The following CLDN14 variants were observed in gnomAD, a reference collection of about 807,000 sequenced individuals.
CLDN14 encodes the protein claudin 14.
In CLDN14, 2 loss-of-function variants were observed where a neutral mutation model predicts 2.1. The ratio of observed to expected loss-of-function variants is 0.96; its 90% CI spans 0.39 to 3.01. CLDN14 has a LOEUF of 3.01. Among genes scored for constraint, CLDN14 ranks in the 30% most tolerant of loss-of-function variants. The probability of loss-of-function intolerance (pLI) is 0.09; values close to 1 mark genes in which losing one functional copy is unlikely to be tolerated. For synonymous variants in CLDN14, 136 were observed against 154.4 expected, an observed-to-expected ratio of 0.88 and a Z score of 0.88; for missense variants, 298 against 328.0, an observed-to-expected ratio of 0.91 and a Z score of 0.71.
chr21:36,478,741 C>T (rs1452344985), intron 1 of CLDN14, among the ~76,000 whole-genome samples: 1 of 152,136 alleles, frequency 6.6e-6, no homozygotes, highest in Non-Finnish European at 1.5e-5. Flanking sequence ...AAGCCAGCAC[C>T]CAGTTAAAGC....
chr21:36,500,630 C>T (rs1245324870), intron 2 of CLDN14, among the ~76,000 whole-genome samples: 2 of 152,156 alleles, frequency 1.3e-5, no homozygotes, highest in Non-Finnish European at 2.9e-5. Flanking sequence ...TGAGGTTTCA[C>T]CATGCTGGTC....
chr21:36,492,152 G>GC (rs1373486090), intron 2 of CLDN14, among the ~76,000 whole-genome samples: 1,601 of 127,602 alleles, frequency 0.013, 27 homozygotes, highest in East Asian at 0.05. Flanking sequence ...AAAAATGCAA[G>GC]GGCCGGGCGC....
In CLDN14 at chr21:36,460,669, A is replaced by G. The variant is rs2086554549; in HGVS notation, c.*307T>C. ...AGGTTTATTCCTGGATCACAAACCA[A>G]CCCCACTGACCAAACTCCCAAGTCA... On this transcript the variant is annotated 3_prime_UTR_variant, in exon 2 of 2. Transcript: ENST00000399135. The surrounding 1 kb of genome is among the most constrained non-coding windows in gnomAD (Gnocchi z 4.0). The G allele has an allele frequency of 3.1e-6, 1 of 325,418 alleles. No homozygotes were observed. The highest frequency in any genetic ancestry group is 2.1e-5 in the African/African-American group (1 of 46,944). The allele number at this position is 325,418 out of a possible 1,614,324, so 20.2% of individuals were successfully genotyped here.
chr21:36,558,618 T>G (rs1811110232), intron 1 of CLDN14, among the ~76,000 whole-genome samples: 1 of 152,182 alleles, frequency 6.6e-6, no homozygotes, highest in African/African-American at 2.4e-5. Flanking sequence ...TTTTTTATTT[T>G]TTTGGTGCTA....
At chr21:36,494,182 C>A (rs2071049) in intron 2 of CLDN14, among the ~76,000 whole-genome samples, 12 of 152,124 alleles carry the variant, frequency 7.9e-5, no homozygotes, top group Admixed American at 3.9e-4. Context: ...TCTCTCCCAG[C>A]GGGGGACTGT....
chr21:36,563,279 G>A (rs190499305), intron 1 of CLDN14, among the ~76,000 whole-genome samples: 16 of 152,266 alleles, frequency 1.1e-4, no homozygotes, highest in Admixed American at 4.6e-4. Context: ...TAGCATCTCC[G>A]TGCATTATTG....
Position 36,460,914 on chromosome 21 carries a change from A to G in CLDN14, c.*62T>C. The G allele has an allele frequency of 2.5e-6, 4 of 1,576,842 alleles. No homozygotes were observed. The highest frequency in any genetic ancestry group is 3.4e-6 in the Non-Finnish European group (4 of 1,159,614). On this transcript the variant is annotated 3_prime_UTR_variant, in exon 2 of 2. Coordinates refer to ENST00000399135, the MANE Select transcript of CLDN14 (RefSeq NM_001146079.2). This position sits in a 1 kb window ranked among gnomAD's most constrained non-coding sequence, Gnocchi z 4.0. ...ACTTTGTGCTGGAACCCCTGCCTCC[A>G]TTGACAGTCCCGCCGGGGACCCAGC... is the stretch of plus-strand genomic sequence containing the variant.
rs1465374826 is a variant in CLDN14, at chr21:36,486,790, T to C, written c.-82+23573A>G. 5.1e-6 allele frequency: 4 copies of C among 778,508 alleles called. No homozygotes were observed. In the East Asian group the frequency reaches 1.0e-4, roughly 20 times the overall value. 48.2% of individuals were successfully genotyped at this position (778,508 alleles called of 1,614,324 possible). ...GGCAATGATATGCGTCTTGTGATTC[T>C]TGCCCCGTCAGCGCTTCAGAGCCAG... On this transcript the variant is annotated intron_variant, in intron 2 of 2. Coordinates refer to the CLDN14 transcript ENST00000342108.
intron 2 of CLDN14, among the ~76,000 whole-genome samples, chr21:36,503,697 G>A (rs573055664): frequency 6.6e-6 from 1 of 152,034 alleles, no homozygotes; most frequent in Non-Finnish European, 1.5e-5. Context: ...TAATACACCA[G>A]CCAAGAATGG....
At chr21:36,512,471 T>C (rs1442182543) in intron 1 of CLDN14, among the ~76,000 whole-genome samples, 2 of 152,164 alleles carry the variant, frequency 1.3e-5, no homozygotes, top group Non-Finnish European at 2.9e-5. Context: ...CTCAGGATGT[T>C]TATAATTTAC....
chr21:36,531,716 G>A (rs1055257214), intron 1 of CLDN14, among the ~76,000 whole-genome samples: 6 of 148,526 alleles, frequency 4.0e-5, no homozygotes, highest in Non-Finnish European at 5.9e-5. Flanking sequence ...TTTAACTAAG[G>A]AAAATATATT....
chr21:36,522,469 C>CGTGCCCA (rs112509648), intron 1 of CLDN14, among the ~76,000 whole-genome samples: 1,876 of 152,316 alleles, frequency 0.012, 34 homozygotes, highest in African/African-American at 0.043. Context: ...GCAAAGCCTG[C>CGTGCCCA]GTGCCCAGCA....
At chr21:36,575,562 A>AC (rs2087736154) in intron 1 of CLDN14, among the ~76,000 whole-genome samples, 2 of 152,128 alleles carry the variant, frequency 1.3e-5, no homozygotes, top group South Asian at 2.1e-4. Flanking sequence ...GCCAAAGGGA[A>AC]CAAAAAAAAC....
intron 2 of CLDN14, among the ~76,000 whole-genome samples, chr21:36,495,037 G>A (rs1250088454): frequency 1.3e-5 from 2 of 152,116 alleles, no homozygotes; most frequent in African/African-American, 4.8e-5. Context: ...CACAGAAAGG[G>A]GAACCAGAGG....
chr21:36,514,946 C>G (rs894636547), intron 1 of CLDN14, among the ~76,000 whole-genome samples: 1 of 152,054 alleles, frequency 6.6e-6, no homozygotes, highest in Admixed American at 6.6e-5. Context: ...TCACTCAGAG[C>G]GACTTGAAAG....
rs1255003263 is a variant in CLDN14 at position 36,461,476 on chromosome 21, G to A, written c.220C>T (p.Pro74Ser). ...GCGCGGGCAGCCTGGAGGTCTTGGG[G>A]CAGCGCCAGCAGGGATCGGTAGATC... ...CQIYRSLLAL[P>S]QDLQAARALM... The change falls in exon 2 of 2, where the codon CCC (proline) becomes TCC (serine). Residue 74 changes from proline to serine, a missense_variant. Coordinates refer to ENST00000399135, the MANE Select transcript of CLDN14 (RefSeq NM_001146079.2). 5 of 1,613,442 alleles carry A rather than the reference G, an allele frequency of 3.1e-6. No homozygotes were observed. The highest frequency in any genetic ancestry group is 4.2e-6 in the Non-Finnish European group (5 of 1,180,010).
At chr21:36,554,907 C>T (rs2087588171) in intron 1 of CLDN14, among the ~76,000 whole-genome samples, 1 of 152,228 alleles carries the variant, frequency 6.6e-6, no homozygotes, top group African/African-American at 2.4e-5. Flanking sequence ...ATTCTAAAAG[C>T]TCCCCTGACA....
In CLDN14 at chr21:36,498,406, T is replaced by C. The variant is rs1188155322; in HGVS notation, c.-82+11957A>G. On this transcript the variant is annotated intron_variant, in intron 2 of 2. Transcript: ENST00000342108. This position sits in a 1 kb window ranked among gnomAD's most constrained non-coding sequence, Gnocchi z 4.9. ...TTTCTCTGGTCCTGGAAGATCTATA[T>C]GAACTTGTATTTTACATCTCTTGTC... 3.3e-5 allele frequency among the ~76,000 whole-genome samples: 5 copies of C among 152,348 alleles called. No homozygotes were observed. Among genetic ancestry groups the C allele is most frequent in the Non-Finnish European group, 7.4e-5 (5 of 68,026 alleles).
At chr21:36,573,214 T>A (rs941418670) in intron 1 of CLDN14, among the ~76,000 whole-genome samples, 5 of 148,968 alleles carry the variant, frequency 3.4e-5, no homozygotes, top group Non-Finnish European at 1.5e-5. Flanking sequence ...GGCAGGTGAA[T>A]GGTGTGAACC....
Sources: allele counts gnomAD v4.1 joint callset (sites outside exome capture counted in the v4.1 genomes callset), GRCh38; gene constraint gnomAD v4.1.1; non-coding constraint Gnocchi (gnomAD v3.1); transcripts MANE v1.5; gene names NCBI Gene and HGNC (gene_info 2026-07-23, HGNC 2026-07-21).